Variants in DDX46 observed in about 807,000 individuals in gnomAD.
The protein encoded by DDX46 is probable ATP-dependent RNA helicase DDX46.
Under a neutral mutation model 134.9 loss-of-function variants are expected in DDX46, and 30 were observed. The observed-to-expected ratio is 0.22, with a 90% CI of 0.17 to 0.30. The LOEUF (loss-of-function observed/expected upper bound fraction) is 0.30, where lower values mean the gene tolerates loss of function less well. Among genes scored for constraint, DDX46 ranks in the 10% least tolerant of loss-of-function variants. DDX46 has a pLI of 1.00. For synonymous variants in DDX46, 415 were observed against 404.1 expected, an observed-to-expected ratio of 1.03 and a Z score of -0.32; for missense variants, 622 against 1,248.7, an observed-to-expected ratio of 0.50 and a Z score of 7.56.
intron 14 of DDX46, among the ~76,000 whole-genome samples, chr5:134,795,223 T>G (rs1056335959): frequency 5.3e-5 from 8 of 151,082 alleles, no homozygotes; most frequent in African/African-American, 2.0e-4. Context: ...TTTTTTTGTT[T>G]TTTTTTTGCT....
chr5:134,769,039 C>G (rs181863605), intron 3 of DDX46, among the ~76,000 whole-genome samples: 1 of 152,202 alleles, frequency 6.6e-6, no homozygotes, highest in African/African-American at 2.4e-5. Flanking sequence ...GCCTGGCCGA[C>G]AGAGAGAGAC....
intron 3 of DDX46, among the ~76,000 whole-genome samples, chr5:134,769,387 G>A (rs1753686785): frequency 7.6e-6 from 1 of 130,934 alleles, no homozygotes; most frequent in Non-Finnish European, 1.6e-5. Context: ...CTGGAATGTA[G>A]TTGTGCAATA....
intron 1 of DDX46, among the ~76,000 whole-genome samples, chr5:134,762,672 G>T (rs1314901273): frequency 6.6e-6 from 1 of 151,612 alleles, no homozygotes; most frequent in Non-Finnish European, 1.5e-5. Context: ...GGCAGAGGTT[G>T]CAGTGAGCTG....
intron 21 of DDX46, chr5:134,826,595 TTAC>T (rs1755598811): frequency 6.0e-6 from 1 of 166,708 alleles, no homozygotes; most frequent in Non-Finnish European, 1.3e-5. Context: ...TAATAAATAC[TTAC>T]TAAATGAATA....
In DDX46 at chr5:134,768,415, A is replaced by C. The variant is rs574754490; in HGVS notation, c.350+1355A>C. The stretch of plus-strand genomic sequence containing the variant: ...GTGAGCCACCGTGCCTGGCCAGAAA[A>C]ATTTTTAAATTGCTCTAGGGATATC... On this transcript the variant is annotated intron_variant, in intron 3 of 22. Coordinates refer to ENST00000452510, the MANE Select transcript of DDX46 (RefSeq NM_001300860.2). Among the ~76,000 whole-genome samples, 59 of 151,228 alleles carry C rather than the reference A, an allele frequency of 3.9e-4. No homozygotes were observed. In the South Asian group the frequency reaches 8.4e-3, roughly 21 times the overall value.
intron 13 of DDX46, among the ~76,000 whole-genome samples, chr5:134,790,884 G>C (rs1253105387): frequency 1.3e-5 from 2 of 152,028 alleles, no homozygotes; most frequent in Non-Finnish European, 2.9e-5. Flanking sequence ...GTGCAGTGGA[G>C]AACGATCACT....
chr5:134,809,018 T>TA (rs1339243041), intron 16 of DDX46, among the ~76,000 whole-genome samples: 1 of 152,228 alleles, frequency 6.6e-6, no homozygotes. Context: ...ATTTTATCCT[T>TA]AAAACTTTCC....
chr5:134,788,605 AT>A lies in DDX46; in HGVS notation c.1543+21del. ...CCGCTAACAGTGGTAAGTCAGGGGT[AT>A]TTTTTTGGTGTCTTTTATTTTTGAA... On this transcript the variant is annotated intron_variant, in intron 12 of 22. Transcript: ENST00000452510. 1.2e-6 allele frequency: 2 copies of A among 1,609,136 alleles called. No homozygotes were observed. The highest frequency in any genetic ancestry group is 1.7e-5 in the Admixed American group (1 of 59,132).
Position 134,807,930 on chromosome 5 carries a change from G to A in DDX46, c.2137G>A (p.Ala713Thr), listed in dbSNP as rs1755035088. 6.3e-7 allele frequency: 1 copy of A among 1,588,488 alleles called. No homozygotes were observed. Residue 713 changes from alanine (A) to threonine (T), a missense_variant, in exon 16 of 23, where the codon GCA (alanine) becomes ACA (threonine). By Grantham distance (58) the Ala-to-Thr change is moderately conservative. This residue lies in a region of DDX46 where 209 missense variants were observed against 508.4 expected (regional missense o/e 0.41). Transcript: ENST00000452510. ...ACACAGAGCAGGGCGGACTGGAAGA[G>A]CAGGAAACAAGGTAAAAATAAGTTT... is the stretch of plus-strand genomic sequence containing the variant. The part of the protein sequence containing the change: ...YVHRAGRTGR[A>T]GNKGYAYTFI...
chr5:134,815,295 C>T (rs183039936), intron 18 of DDX46, among the ~76,000 whole-genome samples: 1 of 152,278 alleles, frequency 6.6e-6, no homozygotes, highest in African/African-American at 2.4e-5. Flanking sequence ...CTTTTCTGTG[C>T]ATTTGAGATC....
intron 18 of DDX46, among the ~76,000 whole-genome samples, chr5:134,812,778 C>T (rs1187498384): frequency 2.6e-5 from 4 of 152,096 alleles, no homozygotes. Flanking sequence ...GCTGGGATTA[C>T]AGGCACCCAC....
chr5:134,810,635 C>T (rs944024063), intron 16 of DDX46, among the ~76,000 whole-genome samples: 1 of 151,106 alleles, frequency 6.6e-6, no homozygotes, highest in African/African-American at 2.4e-5. Flanking sequence ...TGAGCCACTG[C>T]GTCCAGCCAA....
At chr5:134,795,619 A>G (rs1754634297) in intron 14 of DDX46, among the ~76,000 whole-genome samples, 1 of 152,176 alleles carries the variant, frequency 6.6e-6, no homozygotes, top group Non-Finnish European at 1.5e-5. Flanking sequence ...TAATCCCAGT[A>G]TTTTGGGAGA....
At chr5:134,825,473 C>T (rs1243115550) in intron 21 of DDX46, among the ~76,000 whole-genome samples, 1 of 152,162 alleles carries the variant, frequency 6.6e-6, no homozygotes, top group Admixed American at 6.5e-5. Flanking sequence ...CTGTCTCTCT[C>T]TGGGGACAGA....
chr5:134,813,673 C>T (rs1460861141), intron 18 of DDX46, among the ~76,000 whole-genome samples: 1 of 152,096 alleles, frequency 6.6e-6, no homozygotes, highest in Non-Finnish European at 1.5e-5. Context: ...CTCTGTTGCC[C>T]AAACTGGAGT....
chr5:134,781,469 A>C (rs1273965313), intron 7 of DDX46, among the ~76,000 whole-genome samples: 1 of 152,088 alleles, frequency 6.6e-6, no homozygotes, highest in African/African-American at 2.4e-5. Context: ...TCTGCCCCTC[A>C]TCAGCTCACT....
chr5:134,760,618 A>G (rs1321408873), intron 1 of DDX46, among the ~76,000 whole-genome samples: 1 of 152,188 alleles, frequency 6.6e-6, no homozygotes, highest in East Asian at 1.9e-4. Context: ...GTCTTTAAGA[A>G]TCTCCTAGGT....
intron 18 of DDX46, among the ~76,000 whole-genome samples, chr5:134,812,356 C>T (rs1007974964): frequency 2.6e-5 from 4 of 151,972 alleles, no homozygotes; most frequent in African/African-American, 9.7e-5. Context: ...TGAGCCACCT[C>T]GTCTGGCCAT....
rs1755722757 is a variant in DDX46, at chr5:134,830,986, CTT to C, written c.*2282_*2283del. On this transcript the variant is annotated 3_prime_UTR_variant, in exon 23 of 23. Coordinates refer to ENST00000452510, the MANE Select transcript of DDX46 (RefSeq NM_001300860.2). ...TTTTGTTCTAAAATGAAACATATTA[CTT>C]TGTTAGTACATTTTTTAGTGTCACA... 6.6e-6 allele frequency: 1 copy of C among 152,354 alleles called. No homozygotes were observed. Among genetic ancestry groups the C allele is most frequent in the Admixed American group, 6.6e-5 (1 of 15,246 alleles). The allele number at this position is 152,354 out of a possible 1,614,324, so 9.4% of individuals were successfully genotyped here. A position where few individuals can be genotyped will look rare whatever the true frequency, so the allele number is the denominator to read the frequency against.
Sources: allele counts gnomAD v4.1 joint callset (sites outside exome capture counted in the v4.1 genomes callset), GRCh38; gene constraint gnomAD v4.1.1; regional missense constraint gnomAD v4.1.1; transcripts MANE v1.5; gene names NCBI Gene and HGNC (gene_info 2026-07-23, HGNC 2026-07-21).